The following ACYP2 variants were observed in gnomAD, a reference collection of about 807,000 sequenced individuals.
ACYP2 encodes acylphosphatase-2.
A neutral mutation model predicts 11.2 loss-of-function variants in ACYP2; 12 were observed. The ratio of observed to expected loss-of-function variants is 1.08; its 90% CI spans 0.69 to 1.74. The LOEUF (loss-of-function observed/expected upper bound fraction) is 1.74, where lower values mean the gene tolerates loss of function less well. Among genes scored for constraint, ACYP2 ranks in the 40% most tolerant of loss-of-function variants. The pLI is 0.00. For missense variants in ACYP2, 134 were observed against 101.9 expected, an observed-to-expected ratio of 1.31 and a Z score of -1.35; for synonymous variants, 43 against 32.2, an observed-to-expected ratio of 1.33 and a Z score of -1.13.
At chr2:54,064,570 G>A (rs1676640943) in intron 4 of ACYP2, among the ~76,000 whole-genome samples, 1 of 152,098 alleles carries the variant, frequency 6.6e-6, no homozygotes, top group Non-Finnish European at 1.5e-5. Context: ...CAGAGTCCAC[G>A]TCTGCTTTTA....
intron 6 of ACYP2, among the ~76,000 whole-genome samples, chr2:54,169,225 C>T (rs1180681215): frequency 2.6e-5 from 4 of 152,098 alleles, no homozygotes; most frequent in Non-Finnish European, 5.9e-5. Flanking sequence ...TGTGTGGTGC[C>T]ATTGGAGTTG....
chr2:54,135,531 A>T, intron 5 of ACYP2, 62 bp downstream of exon 2: 4 of 1,455,744 alleles, frequency 2.7e-6, no homozygotes, highest in Non-Finnish European at 2.9e-6. Flanking sequence ...CCAATTACAG[A>T]GATAGGGCAG....
intron 4 of ACYP2, among the ~76,000 whole-genome samples, chr2:54,121,466 TTGTC>T (rs1680154354): frequency 1.3e-5 from 2 of 152,324 alleles, no homozygotes; most frequent in South Asian, 4.1e-4. Context: ...ACCGAGGAAT[TTGTC>T]TGTTTCCTAC....
intron 6 of ACYP2, among the ~76,000 whole-genome samples, chr2:54,201,038 T>C (rs2103906998): frequency 6.6e-6 from 1 of 152,308 alleles, no homozygotes; most frequent in South Asian, 2.1e-4. Context: ...TTATCAGCCA[T>C]TTGTATACAC....
chr2:54,290,679 C>T (rs189657609), intron 6 of ACYP2, among the ~76,000 whole-genome samples: 1 of 152,100 alleles, frequency 6.6e-6, no homozygotes, highest in East Asian at 1.9e-4. Context: ...TAATGGCATC[C>T]CCCAACCCCA....
chr2:54,113,833 G>A (rs570694322), intron 4 of ACYP2, among the ~76,000 whole-genome samples: 1 of 152,048 alleles, frequency 6.6e-6, no homozygotes, highest in South Asian at 2.1e-4. Flanking sequence ...TGCAGGATTT[G>A]CATAAGCAGG....
chr2:54,159,010 CTATA>C (rs946173897), intron 6 of ACYP2, among the ~76,000 whole-genome samples: 9 of 152,062 alleles, frequency 5.9e-5, no homozygotes, highest in African/African-American at 2.2e-4. Flanking sequence ...TTGTAACTCT[CTATA>C]TATACATAGT....
intron 6 of ACYP2, among the ~76,000 whole-genome samples, chr2:54,268,588 G>A (rs1026041976): frequency 6.7e-6 from 1 of 148,756 alleles, no homozygotes; most frequent in Non-Finnish European, 1.5e-5. Flanking sequence ...GATCACTTGA[G>A]CCCAGGAGTT....
intron 4 of ACYP2, among the ~76,000 whole-genome samples, chr2:54,058,607 C>A (rs949473163): frequency 4.6e-5 from 7 of 151,946 alleles, no homozygotes; most frequent in African/African-American, 1.7e-4. Context: ...TTCATTGTAC[C>A]ACCTGTAAGA....
At chr2:53,981,752 A>G (rs2104510721) in intron 2 of ACYP2, among the ~76,000 whole-genome samples, 1 of 152,238 alleles carries the variant, frequency 6.6e-6, no homozygotes, top group East Asian at 1.9e-4. Flanking sequence ...CCTGCCTCAG[A>G]AACAATAGGC....
intron 6 of ACYP2, among the ~76,000 whole-genome samples, chr2:54,225,950 G>A (rs959126615): frequency 2.6e-5 from 4 of 152,064 alleles, no homozygotes; most frequent in Non-Finnish European, 4.4e-5. Context: ...AGGAGATGAC[G>A]GTCTAGTCTG....
intron 2 of ACYP2, among the ~76,000 whole-genome samples, chr2:53,997,512 G>A (rs369829140): frequency 6.6e-6 from 1 of 151,554 alleles, no homozygotes; most frequent in South Asian, 2.1e-4. Context: ...CACCATGTTG[G>A]TCAGGCTGAT....
intron 2 of ACYP2, among the ~76,000 whole-genome samples, chr2:54,035,600 T>C (rs1310961957): frequency 6.6e-6 from 1 of 152,156 alleles, no homozygotes; most frequent in Non-Finnish European, 1.5e-5. Flanking sequence ...TTCAGTTATC[T>C]TTTGAGTAGT....
intron 6 of ACYP2, among the ~76,000 whole-genome samples, chr2:54,234,355 G>A (rs767394184): frequency 6.6e-6 from 1 of 152,154 alleles, no homozygotes; most frequent in African/African-American, 2.4e-5. Context: ...GCTTTGATGG[G>A]CCACCTCTAC....
intron 4 of ACYP2, among the ~76,000 whole-genome samples, chr2:54,130,052 G>A (rs1443860262): frequency 1.3e-5 from 2 of 151,980 alleles, no homozygotes; most frequent in African/African-American, 4.8e-5. Flanking sequence ...AGGTGTTGGG[G>A]ACACAGTGGT....
intron 4 of ACYP2, among the ~76,000 whole-genome samples, chr2:54,073,657 A>G (rs1677179415): frequency 1.3e-5 from 2 of 152,240 alleles, no homozygotes; most frequent in African/African-American, 2.4e-5. Context: ...ACTTATACCT[A>G]GAATATGTAA....
chr2:54,061,536 C>T (rs1277219476), intron 4 of ACYP2, among the ~76,000 whole-genome samples: 2 of 152,154 alleles, frequency 1.3e-5, no homozygotes, highest in African/African-American at 4.8e-5. Flanking sequence ...TATAATTGTA[C>T]CAGCCTGGGT....
intron 6 of ACYP2, among the ~76,000 whole-genome samples, chr2:54,279,540 G>C (rs1688753991): frequency 6.6e-6 from 1 of 152,062 alleles, no homozygotes; most frequent in Admixed American, 6.5e-5. Context: ...TCTACCACTT[G>C]AGAAAATAGC....
chr2:54,219,899 A>T (rs1244720734), intron 6 of ACYP2, among the ~76,000 whole-genome samples: 3 of 112,132 alleles, frequency 2.7e-5, no homozygotes, highest in African/African-American at 6.9e-5. Context: ...ATATATATAT[A>T]TATATATTTT....
Sources: gnomAD v4.1 joint callset for allele counts (sites outside exome capture counted in the v4.1 genomes callset) on GRCh38, gnomAD v4.1.1 for gene constraint, MANE v1.5 for transcripts, NCBI Gene and HGNC (gene_info 2026-07-23, HGNC 2026-07-21) for gene names.